Variants in APBB1IP observed in about 807,000 individuals in gnomAD.
The protein encoded by APBB1IP is amyloid beta A4 precursor protein-binding family B member 1-interacting protein.
Under a neutral mutation model 64.9 loss-of-function variants are expected in APBB1IP, and 27 were observed. The ratio of observed to expected loss-of-function variants is 0.42; its 90% CI spans 0.31 to 0.57. The LOEUF (loss-of-function observed/expected upper bound fraction) is 0.57. Ranked by LOEUF, APBB1IP falls within the 20% of genes least tolerant of loss-of-function variation. APBB1IP has a pLI of 0.20. For missense variants in APBB1IP, 812 were observed against 845.5 expected, an observed-to-expected ratio of 0.96 and a Z score of 0.49; for synonymous variants, 392 against 331.0, an observed-to-expected ratio of 1.18 and a Z score of -2.00.
intron 8 of APBB1IP, among the ~76,000 whole-genome samples, chr10:26,518,470 G>A (rs1408689856): frequency 6.6e-6 from 1 of 152,062 alleles, no homozygotes; most frequent in African/African-American, 2.4e-5. Flanking sequence ...CTGGTAATAT[G>A]TTTAGTTATA....
chr10:26,452,624 A>C (rs982412837), intron 2 of APBB1IP, among the ~76,000 whole-genome samples: 1 of 152,242 alleles, frequency 6.6e-6, no homozygotes, highest in Non-Finnish European at 1.5e-5. Context: ...GAGATACTGT[A>C]GGTGTCTGAC....
intron 11 of APBB1IP, among the ~76,000 whole-genome samples, chr10:26,554,756 T>C (rs1448804719): frequency 1.3e-5 from 2 of 152,058 alleles, no homozygotes; most frequent in South Asian, 4.2e-4. Flanking sequence ...TAATTTTTTG[T>C]ATTTTTTGCA....
intron 14 of APBB1IP, among the ~76,000 whole-genome samples, chr10:26,565,291 G>A (rs563532793): frequency 3.3e-5 from 5 of 152,270 alleles, no homozygotes; most frequent in Admixed American, 1.3e-4. Flanking sequence ...CTCCTGACAC[G>A]AGCTTCACAA....
At chr10:26,558,085 C>T (rs1836916119) in intron 11 of APBB1IP, among the ~76,000 whole-genome samples, 1 of 151,412 alleles carries the variant, frequency 6.6e-6, no homozygotes, top group Non-Finnish European at 1.5e-5. Context: ...ATTAATGAAT[C>T]CTCTGAGGAC....
chr10:26,557,274 G>C (rs543723950), intron 11 of APBB1IP, among the ~76,000 whole-genome samples: 72 of 152,174 alleles, frequency 4.7e-4, no homozygotes, highest in Admixed American at 9.2e-4. Flanking sequence ...CTGCTGGCTA[G>C]ACTGGAAAAC....
At chr10:26,561,998 C>A in intron 13 of APBB1IP, 1 of 183,884 alleles carries the variant, frequency 5.4e-6, no homozygotes, top group Non-Finnish European at 1.2e-5. Flanking sequence ...AAAAGTAAAA[C>A]ATATTGTTAC....
At chr10:26,480,580 C>T (rs1835822868) in intron 2 of APBB1IP, among the ~76,000 whole-genome samples, 1 of 135,982 alleles carries the variant, frequency 7.4e-6, no homozygotes. Flanking sequence ...GTAATCTCTT[C>T]TTTCAAAATA....
chr10:26,465,533 C>T (rs1835638556), intron 2 of APBB1IP, among the ~76,000 whole-genome samples: 3 of 151,946 alleles, frequency 2.0e-5, no homozygotes, highest in Admixed American at 2.0e-4. Flanking sequence ...GATTTTTGCA[C>T]CTTCTGATGG....
At chr10:26,444,370 G>A (rs1336896312) in intron 2 of APBB1IP, among the ~76,000 whole-genome samples, 3 of 152,154 alleles carry the variant, frequency 2.0e-5, no homozygotes. Flanking sequence ...TTCTGAGAAG[G>A]CGAATAACAT....
chr10:26,541,813 A>G, intron 11 of APBB1IP, 121 bp downstream of exon 11: 1 of 662,066 alleles, frequency 1.5e-6, no homozygotes, highest in Non-Finnish European at 2.4e-6. Flanking sequence ...GTTTAACCAA[A>G]ATAGGAATGA....
intron 2 of APBB1IP, among the ~76,000 whole-genome samples, chr10:26,468,467 C>T (rs1191318378): frequency 6.6e-6 from 1 of 152,092 alleles, no homozygotes; most frequent in Non-Finnish European, 1.5e-5. Context: ...AAAATCAGGG[C>T]AGAAAACCTT....
Position 26,488,415 on chromosome 10 carries a change from T to G in APBB1IP, c.1-3912T>G, listed in dbSNP as rs138534690. 3.0e-3 allele frequency among the ~76,000 whole-genome samples: 460 copies of G among 152,280 alleles called. 3 individuals carry two copies. Among genetic ancestry groups the G allele is most frequent in the African/African-American group, 9.7e-3 (403 of 41,556 alleles). The stretch of plus-strand genomic sequence containing the variant: ...CACACCTGGCTAATTTTTTAATTTT[T>G]TGTACAGAAGTTTCTCTATGTTGCC... On this transcript the variant is annotated intron_variant, in intron 2 of 14. Transcript: ENST00000376236.
intron 6 of APBB1IP, among the ~76,000 whole-genome samples, chr10:26,506,972 G>T (rs1447440909): frequency 6.6e-6 from 1 of 152,214 alleles, no homozygotes; most frequent in Non-Finnish European, 1.5e-5. Flanking sequence ...GCATGTGGGT[G>T]TGGTGCTGGG....
At chr10:26,501,820 CTG>C (rs1564362348) in intron 5 of APBB1IP, 1 of 152,300 alleles carries the variant, frequency 6.6e-6, no homozygotes, top group East Asian at 1.9e-4. Context: ...AATGGTCACA[CTG>C]TGTCATGATG....
At chr10:26,471,877 G>A (rs1364364446) in intron 2 of APBB1IP, among the ~76,000 whole-genome samples, 1 of 152,122 alleles carries the variant, frequency 6.6e-6, no homozygotes, top group African/African-American at 2.4e-5. Context: ...TAGAGATGGG[G>A]TTTCACCATG....
chr10:26,473,634 C>T (rs1462257531), intron 2 of APBB1IP, among the ~76,000 whole-genome samples: 1 of 152,116 alleles, frequency 6.6e-6, no homozygotes, highest in Admixed American at 6.6e-5. Context: ...CATAGGTGAC[C>T]CCCGTTGGTG....
chr10:26,439,954 A>G (rs1835322352), intron 2 of APBB1IP, among the ~76,000 whole-genome samples: 1 of 152,204 alleles, frequency 6.6e-6, no homozygotes, highest in Non-Finnish European at 1.5e-5. Context: ...GGCCAGGACG[A>G]TGATGCTGGC....
chr10:26,477,053 G>A (rs990761668), intron 2 of APBB1IP, among the ~76,000 whole-genome samples: 8 of 152,066 alleles, frequency 5.3e-5, no homozygotes, highest in South Asian at 2.1e-4. Context: ...CACCCACCTC[G>A]GCCTCCCAAA....
intron 8 of APBB1IP, among the ~76,000 whole-genome samples, chr10:26,514,538 A>C (rs898449737): frequency 3.9e-5 from 6 of 152,206 alleles, no homozygotes; most frequent in Admixed American, 3.3e-4. Context: ...GTGTACAAGC[A>C]TGTCCAGGAT....
Sources: gnomAD v4.1 joint callset for allele counts (sites outside exome capture counted in the v4.1 genomes callset) on GRCh38, gnomAD v4.1.1 for gene constraint, MANE v1.5 for transcripts, NCBI Gene and HGNC (gene_info 2026-07-23, HGNC 2026-07-21) for gene names.